ZRANB3: variants seen among roughly 807,000 people sequenced by gnomAD.
ZRANB3 encodes DNA annealing helicase and endonuclease ZRANB3.
A neutral mutation model predicts 133.8 loss-of-function variants in ZRANB3; 125 were observed. That is an observed-to-expected ratio of 0.93 (90% CI 0.81 to 1.08). The LOEUF (loss-of-function observed/expected upper bound fraction) is 1.08. ZRANB3 is among the 50% of genes least tolerant of loss of function. The probability of loss-of-function intolerance (pLI) is 0.00; values close to 1 mark genes in which losing one functional copy is unlikely to be tolerated. For synonymous variants in ZRANB3, 387 were observed against 432.7 expected (o/e 0.89, Z 1.31); for missense variants, 1,229 against 1,275.5 (o/e 0.96, Z 0.56).
intron 2 of ZRANB3, among the ~76,000 whole-genome samples, chr2:135,486,553 T>G (rs1574185052): frequency 6.6e-6 from 1 of 152,164 alleles, no homozygotes; most frequent in South Asian, 2.1e-4. Context: ...CTTGCTCTGT[T>G]GCATAGGTTG....
chr2:135,426,855 AAAAAAAAAATATATATATATATATAT>A (rs1689102070), intron 2 of ZRANB3, among the ~76,000 whole-genome samples: 1 of 63,242 alleles, frequency 1.6e-5, no homozygotes, highest in African/African-American at 9.4e-5. Context: ...AAAAAAAAAA[AAAAAAAAAATATATATATATATATAT>A]ATATATATAT....
At chr2:135,449,532 A>G (rs1690174161) in intron 2 of ZRANB3, among the ~76,000 whole-genome samples, 1 of 152,146 alleles carries the variant, frequency 6.6e-6, no homozygotes, top group Non-Finnish European at 1.5e-5. Context: ...AGGCAGGAGA[A>G]TCACTTGAAT....
chr2:135,415,549 G>T (rs889843713), intron 2 of ZRANB3, among the ~76,000 whole-genome samples: 3 of 152,194 alleles, frequency 2.0e-5, no homozygotes, highest in South Asian at 2.1e-4. Flanking sequence ...CTGGTACCAT[G>T]CCTTCTGAAA....
chr2:135,420,923 T>C (rs1418127460), intron 2 of ZRANB3, among the ~76,000 whole-genome samples: 1 of 152,138 alleles, frequency 6.6e-6, no homozygotes, highest in African/African-American at 2.4e-5. Context: ...CTCAGGAAAA[T>C]ATAATGCTGT....
chr2:135,340,104 C>CTT (rs769541283), intron 6 of ZRANB3, among the ~76,000 whole-genome samples: 19 of 123,774 alleles, frequency 1.5e-4, no homozygotes, highest in African/African-American at 4.9e-4. Flanking sequence ...TGTCCCTTTT[C>CTT]TTTTTTTTTT....
intron 4 of ZRANB3, among the ~76,000 whole-genome samples, chr2:135,351,093 A>G (rs1011764907): frequency 6.6e-6 from 1 of 152,040 alleles, no homozygotes; most frequent in Non-Finnish European, 1.5e-5. Flanking sequence ...ATACTAAGAC[A>G]TATCACTTTT....
At chr2:135,382,682 T>C (rs1257462290) in intron 3 of ZRANB3, among the ~76,000 whole-genome samples, 1 of 151,750 alleles carries the variant, frequency 6.6e-6, no homozygotes. Context: ...TGGGGGCCAA[T>C]ATTCAACATT....
At chr2:135,465,202 G>T (rs756410625) in intron 2 of ZRANB3, among the ~76,000 whole-genome samples, 1 of 152,076 alleles carries the variant, frequency 6.6e-6, no homozygotes, top group Non-Finnish European at 1.5e-5. Context: ...AGAACACCAA[G>T]GTAAAATATC....
chr2:135,320,429 C>T (rs1683467955), intron 6 of ZRANB3, among the ~76,000 whole-genome samples: 1 of 152,074 alleles, frequency 6.6e-6, no homozygotes, highest in Non-Finnish European at 1.5e-5. Context: ...CTAAAATTAG[C>T]AACAACCAAA....
chr2:135,473,247 T>C (rs1691357571), intron 2 of ZRANB3, among the ~76,000 whole-genome samples: 2 of 152,196 alleles, frequency 1.3e-5, no homozygotes, highest in African/African-American at 4.8e-5. Context: ...TGAAATCATA[T>C]AATATTTGTC....
At chr2:135,438,574 G>A (rs1029680225) in intron 2 of ZRANB3, among the ~76,000 whole-genome samples, 6 of 151,296 alleles carry the variant, frequency 4.0e-5, no homozygotes, top group Admixed American at 2.6e-4. Flanking sequence ...AAAAGACATA[G>A]TACGGAAGAG....
At chr2:135,435,489 A>G (rs1445404311) in intron 2 of ZRANB3, among the ~76,000 whole-genome samples, 1 of 152,196 alleles carries the variant, frequency 6.6e-6, no homozygotes, top group African/African-American at 2.4e-5. Context: ...AATGATTTAT[A>G]TTCTTCTGGG....
At chr2:135,487,659 C>A (rs2104801931) in intron 2 of ZRANB3, among the ~76,000 whole-genome samples, 1 of 152,306 alleles carries the variant, frequency 6.6e-6, no homozygotes, top group East Asian at 1.9e-4. Context: ...TCCTCATGAA[C>A]CAACCTCTTT....
intron 2 of ZRANB3, among the ~76,000 whole-genome samples, chr2:135,418,970 T>C (rs13384711): frequency 0.59 from 79,266 of 134,216 alleles, 28,098 homozygotes; most frequent in East Asian, 1. Context: ...CGGAGTCTCG[T>C]TCTGTCACCC....
chr2:135,320,225 G>T (rs2104832899), intron 6 of ZRANB3, among the ~76,000 whole-genome samples: 1 of 152,248 alleles, frequency 6.6e-6, no homozygotes, highest in East Asian at 1.9e-4. Flanking sequence ...AGATTCTGAA[G>T]ATTAAGGTCC....
At chr2:135,278,270 T>C (rs1680934620) in intron 8 of ZRANB3, among the ~76,000 whole-genome samples, 1 of 152,146 alleles carries the variant, frequency 6.6e-6, no homozygotes. Context: ...AGAATAACAA[T>C]TCTGAATTGT....
chr2:135,246,039 C>CTTTTTTTTTTTTTTTTTTTTT (rs569950745), intron 12 of ZRANB3, among the ~76,000 whole-genome samples: 1 of 100,424 alleles, frequency 1.0e-5, no homozygotes, highest in Admixed American at 1.1e-4. Flanking sequence ...TTCTTTCTTT[C>CTTTTTTTTTTTTTTTTTTTTT]TTTTTTTTTT....
At chr2:135,297,655 T>A (rs1682210357) in intron 8 of ZRANB3, among the ~76,000 whole-genome samples, 1 of 152,220 alleles carries the variant, frequency 6.6e-6, no homozygotes, top group African/African-American at 2.4e-5. Context: ...AAATCACCCG[T>A]CGTCTGCATC....
intron 7 of ZRANB3, among the ~76,000 whole-genome samples, chr2:135,315,028 A>C (rs1372599817): frequency 1.3e-5 from 2 of 152,214 alleles, no homozygotes; most frequent in Non-Finnish European, 1.5e-5. Flanking sequence ...CAGCCTCCCA[A>C]AGTGCTGGGT....
Sources: gnomAD v4.1 joint callset for allele counts (sites outside exome capture counted in the v4.1 genomes callset) on GRCh38, gnomAD v4.1.1 for gene constraint, MANE v1.5 for transcripts, NCBI Gene and HGNC (gene_info 2026-07-23, HGNC 2026-07-21) for gene names.